Variants in FMNL3 observed in about 807,000 individuals in gnomAD.
FMNL3 encodes the protein formin-like protein 3.
In FMNL3, 57 loss-of-function variants were observed where a neutral mutation model predicts 119.6. The ratio of observed to expected loss-of-function variants is 0.48; its 90% CI spans 0.39 to 0.59. The LOEUF (loss-of-function observed/expected upper bound fraction) is 0.59, where lower values mean the gene tolerates loss of function less well. Ranked by LOEUF, FMNL3 falls within the 20% of genes least tolerant of loss-of-function variation. FMNL3 has a pLI of 0.00. For missense variants in FMNL3, 1,053 were observed against 1,323.5 expected, an observed-to-expected ratio of 0.80 and a Z score of 3.17; for synonymous variants, 491 against 507.3, an observed-to-expected ratio of 0.97 and a Z score of 0.43.
rs763927861 is a variant in FMNL3, at chr12:49,647,854, A to C, written c.2677-50T>G. The stretch of plus-strand genomic sequence containing the variant: ...GTCACCCTGGCAGGAAGATCAGCCC[A>C]GCTCCCACACCACGGATGAGAGGCC... On this transcript the variant is annotated intron_variant, in intron 22 of 25. Coordinates refer to ENST00000335154, the MANE Select transcript of FMNL3 (RefSeq NM_175736.5). This position sits in a 1 kb window ranked among gnomAD's most constrained non-coding sequence, Gnocchi z 4.9. The C allele has an allele frequency of 7.0e-7, 1 of 1,418,974 alleles. No individual in the cohort carries two copies. Among genetic ancestry groups the C allele is most frequent in the African/African-American group, 1.4e-5 (1 of 70,980 alleles). The allele number at this position is 1,418,974 out of a possible 1,614,324, so 87.9% of individuals were successfully genotyped here.
At chr12:49,698,602 T>C (rs1944818353) in intron 1 of FMNL3, among the ~76,000 whole-genome samples, 1 of 151,118 alleles carries the variant, frequency 6.6e-6, no homozygotes, top group Non-Finnish European at 1.5e-5. Flanking sequence ...TGTGAGGTGA[T>C]GGAAGACAGA....
Position 49,707,057 on chromosome 12 carries a change from G to T in FMNL3, c.124C>A (p.Leu42Met), listed in dbSNP as rs759526854. Residue 42 changes from leucine (L) to methionine (M), a missense_variant and splice_region_variant, in exon 1 of 26, where the codon CTG becomes ATG. Around this residue, in one of 4 missense-constraint regions of FMNL3, gnomAD observed 264 missense variants for 265.5 expected, o/e 0.99. Coordinates refer to ENST00000335154, the MANE Select transcript of FMNL3 (RefSeq NM_175736.5). ...AAGGGGCTGGGCTCAGCTCTCACCA[G>T]CACCAGGGCGAACCTTTCCTCCAGC... ...CELEERFALVLSSMNLPPDKA... is the reference protein window; with the variant it reads ...CELEERFALVMSSMNLPPDKA... 1 of 1,580,636 alleles carries T rather than the reference G, an allele frequency of 6.3e-7. No individual in the cohort carries two copies. Among genetic ancestry groups the T allele is most frequent in the African/African-American group, 1.3e-5 (1 of 74,524 alleles).
chr12:49,688,464 A>G (rs1944523341), intron 1 of FMNL3: 1 of 455,870 alleles, frequency 2.2e-6, no homozygotes, highest in Non-Finnish European at 4.4e-6. Flanking sequence ...ACCTTCTCGG[A>G]CTCTCCTCAG....
chr12:49,661,463 T>C (rs1943731257), intron 5 of FMNL3, among the ~76,000 whole-genome samples: 1 of 151,288 alleles, frequency 6.6e-6, no homozygotes, highest in South Asian at 2.1e-4. Context: ...CAAGCCCCCC[T>C]GCCTGCTAGA....
At position 49,643,384 on chromosome 12, in the gene FMNL3, T is replaced by A. The variant is rs769823189; in HGVS notation, c.*2431A>T. The stretch of plus-strand genomic sequence containing the variant: ...GAGGACGGGGCTCCCCTTCCTCCCA[T>A]CTTCTTGGAGCAGGTAAGCAGTTGC... On this transcript the variant is annotated 3_prime_UTR_variant, in exon 26 of 26. Coordinates refer to ENST00000335154, the MANE Select transcript of FMNL3 (RefSeq NM_175736.5). 1.3e-6 allele frequency: 2 copies of A among 1,565,780 alleles called. No homozygotes were observed. The highest frequency in any genetic ancestry group is 1.7e-6 in the Non-Finnish European group (2 of 1,157,596).
chr12:49,691,577 G>T (rs1376143599), intron 1 of FMNL3, among the ~76,000 whole-genome samples: 1 of 152,198 alleles, frequency 6.6e-6, no homozygotes, highest in East Asian at 1.9e-4. Context: ...GCGCAAAAGA[G>T]CATCTCTTAG....
intron 1 of FMNL3, among the ~76,000 whole-genome samples, chr12:49,677,808 A>AT (rs1944231057): frequency 6.6e-6 from 1 of 152,196 alleles, no homozygotes; most frequent in Admixed American, 6.5e-5. Context: ...ATCTAATTAG[A>AT]CTGTGGAGTC....
In FMNL3 at chr12:49,647,576, G is replaced by T; in HGVS notation, c.2778+127C>A. 3.2e-6 allele frequency: 3 copies of T among 946,092 alleles called. No individual in the cohort carries two copies. Among genetic ancestry groups the T allele is most frequent in the Non-Finnish European group, 4.9e-6 (3 of 612,610 alleles). The allele number at this position is 946,092 out of a possible 1,614,324, so 58.6% of individuals were successfully genotyped here. ...TTCACAGCTAAGAGGCCTGTCACCA[G>T]CTTGCATCGCTCCCTTCCCAGGACT... On this transcript the variant is annotated intron_variant, in intron 23 of 25. Transcript: ENST00000335154. This position sits in a 1 kb window ranked among gnomAD's most constrained non-coding sequence, Gnocchi z 4.9.
chr12:49,657,303 G>A (rs1943601930), intron 6 of FMNL3, 113 bp from the exon 7 acceptor site: 3 of 753,028 alleles, frequency 4.0e-6, no homozygotes, highest in Non-Finnish European at 6.8e-6. Context: ...CAAAAAATAG[G>A]GAATAGCACC....
intron 10 of FMNL3, 33 bp downstream of exon 10, chr12:49,654,877 G>A (rs1357454771): frequency 1.2e-6 from 2 of 1,602,758 alleles, no homozygotes; most frequent in South Asian, 2.2e-5. Context: ...CAGCCCTGGT[G>A]GGTATGTGCT....
rs753396596 is a variant in FMNL3, at chr12:49,649,118, A to G, written c.2426T>C (p.Leu809Pro). The G allele has an allele frequency of 1.2e-6, 2 of 1,613,852 alleles. No homozygotes were observed. The highest frequency in any genetic ancestry group is 1.1e-5 in the South Asian group (1 of 91,048). ...CTTCACTGTCAAGGCGATGAAATGAAGCAGTGTCATCTTCCGGTCAGTGGA... is the reference window on the plus strand; with the variant it reads ...CTTCACTGTCAAGGCGATGAAATGAGGCAGTGTCATCTTCCGGTCAGTGGA... The part of the protein sequence containing the change: ...TKSTDRKMTL[L>P]HFIALTVKEK... The change falls in exon 21 of 26, where the codon CTT becomes CCT. Residue 809 changes from leucine (L) to proline (P), a missense_variant. By Grantham distance (98) the Leu-to-Pro change is moderately conservative (BLOSUM62 -3). Transcript: ENST00000335154. This position sits in a 1 kb window ranked among gnomAD's most constrained non-coding sequence, Gnocchi z 5.6.
At chr12:49,666,083 C>A (rs762244174) in intron 3 of FMNL3, 44 bp downstream of exon 3, 1 of 1,594,460 alleles carries the variant, frequency 6.3e-7, no homozygotes, top group Admixed American at 1.7e-5. Flanking sequence ...CCCCACAGGA[C>A]TATAAAGGGT....
intron 1 of FMNL3, among the ~76,000 whole-genome samples, chr12:49,670,085 C>A (rs899020836): frequency 3.9e-5 from 6 of 152,210 alleles, no homozygotes; most frequent in Non-Finnish European, 8.8e-5. Flanking sequence ...TAACTACTGT[C>A]CAGGTTCAGC....
intron 1 of FMNL3, among the ~76,000 whole-genome samples, chr12:49,676,162 TCTC>T (rs1177832773): frequency 1.3e-5 from 2 of 152,254 alleles, no homozygotes; most frequent in Non-Finnish European, 1.5e-5. Flanking sequence ...CCCAACCTCT[TCTC>T]CTCCTCCTCC....
chr12:49,665,266 C>T (rs893886467), intron 4 of FMNL3, among the ~76,000 whole-genome samples: 2 of 151,994 alleles, frequency 1.3e-5, no homozygotes, highest in Non-Finnish European at 2.9e-5. Flanking sequence ...CCTAAGGGCC[C>T]TATCAATGTG....
chr12:49,695,674 T>C (rs558925832), intron 1 of FMNL3, among the ~76,000 whole-genome samples: 156 of 152,314 alleles, frequency 1.0e-3, no homozygotes, highest in African/African-American at 3.4e-3. Context: ...GAGCCATTCC[T>C]AAAAGGATGA....
chr12:49,667,568 A>G (rs148935765), intron 2 of FMNL3, among the ~76,000 whole-genome samples: 17 of 152,368 alleles, frequency 1.1e-4, no homozygotes, highest in Non-Finnish European at 2.5e-4. Context: ...CCCTGGCTTC[A>G]TCACCTACTA....
In FMNL3 at chr12:49,649,299, C is replaced by G; in HGVS notation, c.2345G>C (p.Arg782Pro). The change falls in exon 20 of 26, where the codon CGG (arginine) becomes CCG (proline). Residue 782 changes from arginine to proline, a missense_variant. Physicochemically the swap from Arg to Pro is moderately radical, Grantham distance 103 (BLOSUM62 -2). This residue lies in a region of FMNL3 where 324 missense variants were observed against 380.9 expected (regional missense o/e 0.85). Coordinates refer to ENST00000335154, the MANE Select transcript of FMNL3 (RefSeq NM_175736.5). The surrounding 1 kb of genome is among the most constrained non-coding windows in gnomAD (Gnocchi z 5.6). ...ALGNYMNSSK[R>P]GAVYGFKLQS... ...GAGCTTGAAGCCATACACAGCTCCC[C>G]GCTTGCTGCTGTTCATGTAGTTCCC... 6.2e-7 allele frequency: 1 copy of G among 1,614,184 alleles called. No homozygotes were observed. The highest frequency in any genetic ancestry group is 8.5e-7 in the Non-Finnish European group (1 of 1,180,040).
intron 25 of FMNL3, 161 bp downstream of exon 25, chr12:49,646,725 A>G (rs1217364778): frequency 1.9e-6 from 3 of 1,557,680 alleles, no homozygotes; most frequent in Non-Finnish European, 2.6e-6. Context: ...GCTTGGCAGT[A>G]CGGGCCGTGA....
Sources: allele counts gnomAD v4.1 joint callset (sites outside exome capture counted in the v4.1 genomes callset), GRCh38; gene constraint gnomAD v4.1.1; regional missense constraint gnomAD v4.1.1; non-coding constraint Gnocchi (gnomAD v3.1); transcripts MANE v1.5; gene names NCBI Gene and HGNC (gene_info 2026-07-23, HGNC 2026-07-21).